The following NFATC2 variants were observed in gnomAD, a reference collection of about 807,000 sequenced individuals.
NFATC2 encodes the protein nuclear factor of activated T cells 2, also known as nuclear factor of activated T-cells, cytoplasmic 2.
In NFATC2, 22 loss-of-function variants were observed where a neutral mutation model predicts 87.3. That is an observed-to-expected ratio of 0.25 (90% confidence interval 0.18 to 0.36). The LOEUF (loss-of-function observed/expected upper bound fraction) is 0.36, where lower values mean the gene tolerates loss of function less well. Among genes scored for constraint, NFATC2 ranks in the 10% least tolerant of loss-of-function variants. The pLI, the probability that NFATC2 is intolerant of heterozygous loss-of-function variation, is 1.00. For missense variants in NFATC2, 1,149 were observed against 1,259.1 expected (o/e 0.91, Z 1.32); for synonymous variants, 565 against 542.2 (o/e 1.04, Z -0.58).
In NFATC2 at chr20:51,493,806, G is replaced by A. The variant is rs1481308229; in HGVS notation, c.1333-18146C>T. ...TGTCCCCAGAGAGCTGCTCCCCACTGTGATGGGCATCAAACGCTTAGCAAA... is the reference window on the plus strand; with the variant it reads ...TGTCCCCAGAGAGCTGCTCCCCACTATGATGGGCATCAAACGCTTAGCAAA... On this transcript the variant is annotated intron_variant, in intron 3 of 10. Coordinates refer to ENST00000371564, the MANE Select transcript of NFATC2 (RefSeq NM_012340.5). 3.3e-5 allele frequency among the ~76,000 whole-genome samples: 5 copies of A among 152,126 alleles called. No individual in the cohort carries two copies. The East Asian group carries it at 9.7e-4, about 29-fold the overall frequency.
At chr20:51,518,343 A>T (rs2076387637) in intron 2 of NFATC2, among the ~76,000 whole-genome samples, 1 of 152,208 alleles carries the variant, frequency 6.6e-6, no homozygotes, top group Non-Finnish European at 1.5e-5. Flanking sequence ...GGCTTGGTTA[A>T]GCACTTGCAA....
chr20:51,543,310 G>A (rs73910705), upstream of NFATC2, among the ~76,000 whole-genome samples: 221 of 152,314 alleles, frequency 1.5e-3, no homozygotes, highest in African/African-American at 4.7e-3. Flanking sequence ...TGTTGCCCTC[G>A]GAAGCTCAGG....
Position 51,562,554 on chromosome 20 carries a change from A to G in NFATC2, c.70+6T>C, listed in dbSNP as rs568765229. ...AAAAGGCTGGAAGGGATCGAGAGTC[A>G]GTTACCTTGGTCCACAGACCCCATG... On this transcript the variant is annotated splice_donor_region_variant and intron_variant, in intron 1 of 10. Coordinates refer to the NFATC2 transcript ENST00000414705. The surrounding 1 kb of genome is among the most constrained non-coding windows in gnomAD (Gnocchi z 5.8). 3.7e-5 allele frequency: 58 copies of G among 1,549,998 alleles called. No individual in the cohort carries two copies. The South Asian group carries it at 6.3e-4, about 17-fold the overall frequency.
chr20:51,525,559 C>A (rs2076530862), intron 1 of NFATC2, among the ~76,000 whole-genome samples: 1 of 151,336 alleles, frequency 6.6e-6, no homozygotes, highest in African/African-American at 2.4e-5. Flanking sequence ...CTCCAAGGCC[C>A]CCCACCTCAT....
intron 9 of NFATC2, among the ~76,000 whole-genome samples, chr20:51,409,866 C>T (rs1393467034): frequency 6.6e-6 from 1 of 152,200 alleles, no homozygotes; most frequent in Non-Finnish European, 1.5e-5. Context: ...ACATTTCAAA[C>T]AAGCACAATA....
intron 3 of NFATC2, among the ~76,000 whole-genome samples, chr20:51,489,801 T>C (rs1264100994): frequency 6.6e-6 from 1 of 152,150 alleles, no homozygotes; most frequent in Non-Finnish European, 1.5e-5. Flanking sequence ...GACACCCAAG[T>C]CAGTCTGCAA....
chr20:51,504,059 G>C (rs1158065565), intron 3 of NFATC2, among the ~76,000 whole-genome samples: 2 of 151,882 alleles, frequency 1.3e-5, no homozygotes, highest in Non-Finnish European at 2.9e-5. Context: ...TCTTGCTCCT[G>C]TTGCCCAGGC....
chr20:51,487,812 A>G (rs1989843687), intron 3 of NFATC2, among the ~76,000 whole-genome samples: 1 of 103,644 alleles, frequency 9.6e-6, no homozygotes, highest in Non-Finnish European at 1.7e-5. Flanking sequence ...ACAAGGGGGA[A>G]AAAAAAAAAG....
chr20:51,416,368 G>T (rs539587802), intron 9 of NFATC2, among the ~76,000 whole-genome samples: 2 of 152,178 alleles, frequency 1.3e-5, no homozygotes, highest in African/African-American at 4.8e-5. Context: ...AGGACCTGCC[G>T]GCTCTGCCTG....
At chr20:51,428,373 G>C (rs1029762762) in intron 9 of NFATC2, among the ~76,000 whole-genome samples, 2 of 152,224 alleles carry the variant, frequency 1.3e-5, no homozygotes, top group African/African-American at 4.8e-5. Context: ...GGGCTCAGGG[G>C]AGTGCATGCC....
intron 6 of NFATC2, among the ~76,000 whole-genome samples, chr20:51,453,774 A>G (rs1568997947): frequency 6.6e-6 from 1 of 152,306 alleles, no homozygotes; most frequent in South Asian, 2.1e-4. Flanking sequence ...AAAAAATGGC[A>G]TTTCTGGGAT....
chr20:51,410,288 TAAAGA>T (rs1232723255), intron 9 of NFATC2, among the ~76,000 whole-genome samples: 1 of 151,852 alleles, frequency 6.6e-6, no homozygotes, highest in Non-Finnish European at 1.5e-5. Context: ...TTGATAATAT[TAAAGA>T]ATTCTTCATT....
chr20:51,398,870 T>TGCAACATCTTAGCATTTGTGCCAGAA, intron 9 of NFATC2, 140 bp from the exon 10 acceptor site: 1 of 640,292 alleles, frequency 1.6e-6, no homozygotes, highest in South Asian at 1.8e-5. Context: ...GCCAGAATTC[T>TGCAACATCTTAGCATTTGTGCCAGAA]GCAACATCTT....
At chr20:51,447,086 G>GA (rs3838020) in intron 6 of NFATC2, among the ~76,000 whole-genome samples, 73,118 of 151,080 alleles carry the variant, frequency 0.48, 19,634 homozygotes, top group South Asian at 0.63. Flanking sequence ...ACTTAATTTA[G>GA]AAAAAAAAAA....
intron 6 of NFATC2, among the ~76,000 whole-genome samples, chr20:51,452,367 T>C (rs1042057005): frequency 3.3e-5 from 5 of 152,190 alleles, no homozygotes; most frequent in African/African-American, 1.2e-4. Context: ...TTAAGGGATG[T>C]GGCTCTCAGT....
chr20:51,502,280 G>T (rs1568696470), intron 3 of NFATC2, among the ~76,000 whole-genome samples: 2 of 152,156 alleles, frequency 1.3e-5, no homozygotes, highest in South Asian at 2.1e-4. Context: ...TTTGACCATG[G>T]CACCATGCCC....
chr20:51,394,910 T>C (rs1986839131), intron 10 of NFATC2, among the ~76,000 whole-genome samples: 1 of 152,166 alleles, frequency 6.6e-6, no homozygotes, highest in African/African-American at 2.4e-5. Context: ...GTGCCCTCAC[T>C]CGCTCCAAAA....
At position 51,400,356 on chromosome 20, in the gene NFATC2, G is replaced by T. The variant is rs142512233; in HGVS notation, c.2723-1626C>A. 1.6e-4 allele frequency among the ~76,000 whole-genome samples: 24 copies of T among 151,542 alleles called. 1 individual carries two copies. The East Asian group carries it at 4.7e-3, about 30-fold the overall frequency. ...AGTCACACCCTTGGAGGAGTCGTTC[G>T]AATCTAGTTGGAACCCCAGGGACCA... On this transcript the variant is annotated intron_variant, in intron 9 of 10. Transcript: ENST00000371564.
chr20:51,481,277 C>A (rs574561792), intron 3 of NFATC2, among the ~76,000 whole-genome samples: 1 of 152,068 alleles, frequency 6.6e-6, no homozygotes, highest in African/African-American at 2.4e-5. Context: ...CATGATCTAC[C>A]CTTCAGGTTC....
Sources: gnomAD v4.1 joint callset for allele counts (sites outside exome capture counted in the v4.1 genomes callset) on GRCh38, gnomAD v4.1.1 for gene constraint, Gnocchi (gnomAD v3.1) non-coding constraint, MANE v1.5 for transcripts, NCBI Gene and HGNC (gene_info 2026-07-23, HGNC 2026-07-21) for gene names.